Variants in ASB6 observed in about 807,000 individuals in gnomAD.
The protein encoded by ASB6 is ankyrin repeat and SOCS box protein 6.
A neutral mutation model predicts 28.6 loss-of-function variants in ASB6; 24 were observed. The observed-to-expected ratio is 0.84, with a 90% confidence interval of 0.61 to 1.18. The LOEUF is 1.18. Ranked by LOEUF, ASB6 falls within the 50% of genes most tolerant of loss-of-function variation. ASB6 has a pLI of 0.00. For synonymous variants in ASB6, 267 were observed against 243.4 expected, an observed-to-expected ratio of 1.10 and a Z score of -0.90; for missense variants, 519 against 559.8, an observed-to-expected ratio of 0.93 and a Z score of 0.74.
chr9:129,639,368 C>A, intron 3 of ASB6, 34 bp downstream of exon 3: 1 of 1,601,876 alleles, frequency 6.2e-7, no homozygotes, highest in South Asian at 1.1e-5. Context: ...CCCTGCCCAA[C>A]CCTGCTTCAA....
chr9:129,641,869 C>T lies in ASB6; in HGVS notation c.113+18G>A. The T allele has an allele frequency of 6.3e-7, 1 of 1,576,074 alleles. No individual in the cohort carries two copies. The highest frequency in any genetic ancestry group is 8.6e-7 in the Non-Finnish European group (1 of 1,160,572). On this transcript the variant is annotated intron_variant, in intron 1 of 5. Coordinates refer to ENST00000277458, the MANE Select transcript of ASB6 (RefSeq NM_017873.4). Reference sequence around the variant, plus strand: ...GGTCGGAGCGGCCTCGGCCAGCTCACGGGAGGGGGTGAGTTACCGGTCCAG... The same window carrying T: ...GGTCGGAGCGGCCTCGGCCAGCTCATGGGAGGGGGTGAGTTACCGGTCCAG...
chr9:129,642,147 G>A lies in ASB6; in HGVS notation c.-148C>T. ...CGGCCGGGTCCGCTCCTCAGTCCAAGCCGCGCCCCCGCCGGAAGTGACCCT... is the reference window on the plus strand; with the variant it reads ...CGGCCGGGTCCGCTCCTCAGTCCAAACCGCGCCCCCGCCGGAAGTGACCCT... On this transcript the variant is annotated 5_prime_UTR_variant, in exon 1 of 6. Coordinates refer to ENST00000277458, the MANE Select transcript of ASB6 (RefSeq NM_017873.4). The surrounding 1 kb of genome is among the most constrained non-coding windows in gnomAD (Gnocchi z 4.3). 2.3e-6 allele frequency: 3 copies of A among 1,300,776 alleles called. No homozygotes were observed. The highest frequency in any genetic ancestry group is 2.0e-6 in the Non-Finnish European group (2 of 1,023,576). The allele number at this position is 1,300,776 out of a possible 1,614,324, so 80.6% of individuals were successfully genotyped here.
In ASB6 at chr9:129,638,001, C is replaced by T. The variant is rs918251247; in HGVS notation, c.1055G>A (p.Gly352Asp). ...GGCCTGGATCTTTTCCGCCAGGCTGCCCACAGGGTGGATATCGAAGTTTTC... is the reference window on the plus strand; with the variant it reads ...GGCCTGGATCTTTTCCGCCAGGCTGTCCACAGGGTGGATATCGAAGTTTTC... ...LPENFDIHPVGSLAEKIQALH... is the reference protein window; with the variant it reads ...LPENFDIHPVDSLAEKIQALH... Residue 352 changes from glycine to aspartate, a missense_variant, in exon 6 of 6, where the codon GGC becomes GAC. Transcript: ENST00000277458. The T allele has an allele frequency of 1.2e-6, 2 of 1,612,274 alleles. No homozygotes were observed. Among genetic ancestry groups the T allele is most frequent in the African/African-American group, 1.3e-5 (1 of 74,886 alleles).
Position 129,636,307 on chromosome 9 carries a change from G to A in ASB6, c.*1483C>T, listed in dbSNP as rs1386830027. 6.6e-6 allele frequency: 1 copy of A among 151,168 alleles called. No homozygotes were observed. Among genetic ancestry groups the A allele is most frequent in the East Asian group, 2.0e-4 (1 of 5,126 alleles). 9.4% of individuals were successfully genotyped at this position (151,168 alleles called of 1,614,324 possible). On this transcript the variant is annotated 3_prime_UTR_variant, in exon 6 of 6. Transcript: ENST00000277458. ...TCAGGAGGCTGAGGCAGGAGAATGG[G>A]GTGAGCCCGGGAGGCAGAGCTTGCA...
chr9:129,639,183 T>G lies in ASB6; in HGVS notation c.511+19A>C. 1 of 1,587,116 alleles carries G rather than the reference T, an allele frequency of 6.3e-7. No homozygotes were observed. Among genetic ancestry groups the G allele is most frequent in the African/African-American group, 1.3e-5 (1 of 74,386 alleles). On this transcript the variant is annotated intron_variant, in intron 4 of 5. Transcript: ENST00000277458. ...GCCTGGGGGCCCAGCTGTCCTGCTT[T>G]CCTGCAGGAGGCACCCACCATGCTT...
intron 2 of ASB6, 118 bp from the exon 3 acceptor site, chr9:129,639,626 T>C: frequency 1.2e-6 from 1 of 862,452 alleles, no homozygotes; most frequent in Admixed American, 2.4e-5. Flanking sequence ...AGGCCCAGCC[T>C]CCTGTCACCA....
intron 2 of ASB6, among the ~76,000 whole-genome samples, chr9:129,640,050 C>G (rs1055193694): frequency 1.3e-4 from 20 of 152,294 alleles, no homozygotes; most frequent in Non-Finnish European, 2.9e-4. Context: ...CTGAAAAACA[C>G]AGAGAAAGGA....
In ASB6 at chr9:129,639,543, C is replaced by A. The variant is rs374865875; in HGVS notation, c.296-35G>T. 1.1e-5 allele frequency: 18 copies of A among 1,582,162 alleles called. No individual in the cohort carries two copies. In the East Asian group the frequency reaches 1.8e-4, roughly 16 times the overall value. ...CAGACACAGCTCATGTGGGTCCTAT[C>A]TGTCCGCATTCTTATGGGGCCCCCG... is the stretch of plus-strand genomic sequence containing the variant. On this transcript the variant is annotated intron_variant, in intron 2 of 5. Coordinates refer to ENST00000277458, the MANE Select transcript of ASB6 (RefSeq NM_017873.4).
chr9:129,635,510 G>T lies in ASB6; in HGVS notation c.*2280C>A, dbSNP rs1239787007. On this transcript the variant is annotated 3_prime_UTR_variant, in exon 6 of 6. Transcript: ENST00000277458. ...CTGAGGAACCACAGTCCTGGTGGGGGGAGCTGGCAGCTGGGCAAGATCCAG... is the reference window on the plus strand; with the variant it reads ...CTGAGGAACCACAGTCCTGGTGGGGTGAGCTGGCAGCTGGGCAAGATCCAG... 6.4e-7 allele frequency: 1 copy of T among 1,574,358 alleles called. No individual in the cohort carries two copies. The highest frequency in any genetic ancestry group is 8.6e-7 in the Non-Finnish European group (1 of 1,158,818).
Position 129,638,121 on chromosome 9 carries a change from C to T in ASB6, c.935G>A (p.Gly312Asp). The T allele has an allele frequency of 6.2e-7, 1 of 1,614,146 alleles. No homozygotes were observed. Among genetic ancestry groups the T allele is most frequent in the Admixed American group, 1.7e-5 (1 of 60,030 alleles). ...CGCATGGCTCTCGTCTTCCGTGCAGCCTGGGTGGGAACAGAGCCTCTCAAA... is the reference window on the plus strand; with the variant it reads ...CGCATGGCTCTCGTCTTCCGTGCAGTCTGGGTGGGAACAGAGCCTCTCAAA... ...IIFERLCSHP[G>D]CTEDESHADL... is the part of the protein sequence containing the mutation. The change falls in exon 6 of 6, where the codon GGC becomes GAC. Residue 312 changes from glycine (G) to aspartate (D), a missense_variant. Gly to Asp is a moderately conservative substitution (Grantham distance 94). Transcript: ENST00000277458.
chr9:129,640,584 C>CGCCCGCGTCA lies in ASB6; in HGVS notation c.242_251dup (p.Ala85AspfsTer17), dbSNP rs748791837. On this transcript the variant is annotated frameshift_variant, in exon 2 of 6. Transcript: ENST00000277458. LOFTEE classifies it high-confidence loss of function. ...CCCCATGCCGCAAGAGAACGTCGGC[C>CGCCCGCGTCA]GCCCGCGTCAGCCCCAGCTCAGCCA... is the stretch of plus-strand genomic sequence containing the variant. The CGCCCGCGTCA allele has an allele frequency of 6.2e-7, 1 of 1,612,654 alleles. No individual in the cohort carries two copies. Among genetic ancestry groups the CGCCCGCGTCA allele is most frequent in the South Asian group, 1.1e-5 (1 of 90,970 alleles).
Position 129,634,704 on chromosome 9 carries a change from C to G in ASB6, c.*3086G>C, listed in dbSNP as rs1025092236. 3 of 229,076 alleles carry G rather than the reference C, an allele frequency of 1.3e-5. No individual in the cohort carries two copies. The highest frequency in any genetic ancestry group is 2.6e-5 in the Non-Finnish European group (3 of 116,406). 14.2% of individuals were successfully genotyped at this position (229,076 alleles called of 1,614,324 possible). On this transcript the variant is annotated 3_prime_UTR_variant, in exon 6 of 6. Coordinates refer to ENST00000277458, the MANE Select transcript of ASB6 (RefSeq NM_017873.4). Reference sequence around the variant, plus strand: ...TAACAGCACACCTCGAGCGCTGTGCCCTGGGCTGCTGACGTGGCGGCAGGC... The same window carrying G: ...TAACAGCACACCTCGAGCGCTGTGCGCTGGGCTGCTGACGTGGCGGCAGGC...
chr9:129,641,854 G>A lies in ASB6; in HGVS notation c.113+33C>T, dbSNP rs750548578. ...AGTGGGACGCTGCGGGGTCGGAGCG[G>A]CCTCGGCCAGCTCACGGGAGGGGGT... On this transcript the variant is annotated intron_variant, in intron 1 of 5. Coordinates refer to ENST00000277458, the MANE Select transcript of ASB6 (RefSeq NM_017873.4). 1.2e-5 allele frequency: 19 copies of A among 1,562,486 alleles called. No homozygotes were observed. The African/African-American group carries it at 2.4e-4, about 20-fold the overall frequency.
At chr9:129,638,481 A>G (rs764787326) in intron 5 of ASB6, 24 bp from the exon 6 acceptor site, 2 of 1,608,202 alleles carry the variant, frequency 1.2e-6, no homozygotes, top group Non-Finnish European at 1.7e-6. Flanking sequence ...AGAACAAGAG[A>G]TGCTGGGAGA....
At position 129,639,504 on chromosome 9, in the gene ASB6, T is replaced by C; in HGVS notation, c.300A>G (p.Pro100=). The C allele has an allele frequency of 6.2e-7, 1 of 1,612,450 alleles. No individual in the cohort carries two copies. The highest frequency in any genetic ancestry group is 1.3e-5 in the African/African-American group (1 of 75,046). ...TGTGCAAGGCCGTGTAGTAGGTGAC[T>C]GGGTCTGAAGGTGCAGACACAGCTC... ...RHGANLNFED[P]VTYYTALHIA... is the part of the protein sequence containing the mutation. Residue 100 remains proline, a synonymous_variant, in exon 3 of 6, where the codon CCA becomes CCG. Transcript: ENST00000277458.
chr9:129,640,018 G>C (rs1473757356), intron 2 of ASB6, among the ~76,000 whole-genome samples: 1 of 152,188 alleles, frequency 6.6e-6, no homozygotes, highest in Admixed American at 6.5e-5. Context: ...CCTGTCTGCC[G>C]ACTAACCCTG....
chr9:129,641,825 A>G (rs1361159365), intron 1 of ASB6, 62 bp downstream of exon 1: 3 of 1,472,990 alleles, frequency 2.0e-6, no homozygotes, highest in Non-Finnish European at 2.7e-6. Context: ...GCTTGTGGTG[A>G]TAAAGTGGGA....
chr9:129,639,399 T>TA lies in ASB6; in HGVS notation c.402+2dup. The TA allele has an allele frequency of 6.2e-7, 1 of 1,609,266 alleles. No homozygotes were observed. Among genetic ancestry groups the TA allele is most frequent in the Non-Finnish European group, 8.5e-7 (1 of 1,176,380 alleles). ...TTCAAAGCAAGCTGGACCTGGCACT[T>TA]ACCCGGTCCCTCCGATTAACGTCGG... On this transcript the variant is annotated splice_region_variant and intron_variant, in intron 3 of 5. Coordinates refer to ENST00000277458, the MANE Select transcript of ASB6 (RefSeq NM_017873.4).
chr9:129,635,775 T>G lies in ASB6; in HGVS notation c.*2015A>C. 8.0e-5 allele frequency: 21 copies of G among 263,586 alleles called. No individual in the cohort carries two copies. The highest frequency in any genetic ancestry group is 2.1e-4 in the Admixed American group (4 of 19,460). The allele number at this position is 263,586 out of a possible 1,614,324, so 16.3% of individuals were successfully genotyped here. A position where few individuals can be genotyped will look rare whatever the true frequency, so the allele number is the denominator to read the frequency against. ...ATAGGGTGGCCACATCAGTAACCGA[T>G]TCCCTGGGCCTCCAGCCCGGCCTTC... On this transcript the variant is annotated 3_prime_UTR_variant, in exon 6 of 6. Coordinates refer to ENST00000277458, the MANE Select transcript of ASB6 (RefSeq NM_017873.4).
Sources: allele counts gnomAD v4.1 joint callset (sites outside exome capture counted in the v4.1 genomes callset), GRCh38; gene constraint gnomAD v4.1.1; non-coding constraint Gnocchi (gnomAD v3.1); transcripts MANE v1.5; gene names NCBI Gene and HGNC (gene_info 2026-07-23, HGNC 2026-07-21).